ARL9: variants seen among roughly 807,000 people sequenced by gnomAD.
The protein encoded by ARL9 is ADP-ribosylation factor-like protein 9.
In ARL9, 14 loss-of-function variants were observed where a neutral mutation model predicts 27.0. That is an observed-to-expected ratio of 0.52 (90% CI 0.34 to 0.81). ARL9 has a LOEUF of 0.81. Among genes scored for constraint, ARL9 ranks in the 30% least tolerant of loss-of-function variants. The probability of loss-of-function intolerance (pLI) is 0.01; values close to 1 mark genes in which losing one functional copy is unlikely to be tolerated. For missense variants in ARL9, 294 were observed against 290.0 expected, an observed-to-expected ratio of 1.01 and a Z score of -0.10; for synonymous variants, 106 against 108.7, an observed-to-expected ratio of 0.98 and a Z score of 0.15.
intron 1 of ARL9, among the ~76,000 whole-genome samples, chr4:56,509,644 C>A (rs184281975): frequency 2.0e-5 from 3 of 151,622 alleles, no homozygotes; most frequent in African/African-American, 7.3e-5. Context: ...AAGCAATTCT[C>A]CTGCCTCAGC....
intron 3 of ARL9, among the ~76,000 whole-genome samples, chr4:56,522,706 G>T (rs548195541): frequency 2.6e-5 from 4 of 152,150 alleles, no homozygotes; most frequent in African/African-American, 9.7e-5. Flanking sequence ...CATTTCCATC[G>T]TAAGGAGGTT....
intron 2 of ARL9, among the ~76,000 whole-genome samples, chr4:56,516,082 G>A (rs1314042923): frequency 6.6e-6 from 1 of 152,134 alleles, no homozygotes; most frequent in Non-Finnish European, 1.5e-5. Context: ...GCGTGGTGTT[G>A]GCACAAGAAT....
chr4:56,520,703 A>T (rs974422135), intron 3 of ARL9, among the ~76,000 whole-genome samples: 1 of 152,230 alleles, frequency 6.6e-6, no homozygotes, highest in African/African-American at 2.4e-5. Context: ...AAATTTAAAC[A>T]TCTATAATAT....
At position 56,518,864 on chromosome 4, in the gene ARL9, G is replaced by T; in HGVS notation, c.618+11G>T. 6.2e-7 allele frequency: 1 copy of T among 1,610,078 alleles called. No individual in the cohort carries two copies. Among genetic ancestry groups the T allele is most frequent in the Non-Finnish European group, 8.5e-7 (1 of 1,177,680 alleles). On this transcript the variant is annotated intron_variant, in intron 3 of 3. Coordinates refer to ENST00000640821, the MANE Select transcript of ARL9 (RefSeq NM_001363794.2). ...TTTGCAAACAAACAGGTAAAAATCT[G>T]TGCAAATATAAATTGTACTCAAGAG...
intron 2 of ARL9, among the ~76,000 whole-genome samples, chr4:56,513,284 A>T (rs1292705225): frequency 6.6e-6 from 1 of 152,086 alleles, no homozygotes; most frequent in Non-Finnish European, 1.5e-5. Flanking sequence ...TAACACTTGG[A>T]GTATGTTGGG....
intron 2 of ARL9, among the ~76,000 whole-genome samples, chr4:56,511,801 G>C (rs1445163553): frequency 1.3e-5 from 2 of 152,126 alleles, no homozygotes; most frequent in Non-Finnish European, 2.9e-5. Flanking sequence ...TCCTGAAGTT[G>C]GGTCAAGTCC....
chr4:56,505,543 T>G, upstream of ARL9: 2 of 540,608 alleles, frequency 3.7e-6, no homozygotes, highest in Non-Finnish European at 7.1e-6. Context: ...TCTGCAGCAA[T>G]GATATACCCC....
intron 2 of ARL9, among the ~76,000 whole-genome samples, chr4:56,512,437 T>C (rs1420828549): frequency 6.6e-6 from 1 of 152,110 alleles, no homozygotes; most frequent in Admixed American, 6.6e-5. Flanking sequence ...CTTTCTTGGG[T>C]GTGCCTTCTG....
chr4:56,524,323 A>G lies in ARL9; in HGVS notation c.*447A>G, dbSNP rs971830203. The G allele has an allele frequency of 1.3e-5, 2 of 155,672 alleles. No individual in the cohort carries two copies. The highest frequency in any genetic ancestry group is 4.8e-5 in the African/African-American group (2 of 41,536). 9.6% of individuals were successfully genotyped at this position (155,672 alleles called of 1,614,324 possible). On this transcript the variant is annotated 3_prime_UTR_variant, in exon 4 of 4. Transcript: ENST00000640821. ...AGTCTCCCTGAGAATACCAACGGAC[A>G]ACTGTACAAAGATAATGCTAACATA...
At chr4:56,520,121 A>G (rs987806655) in intron 3 of ARL9, among the ~76,000 whole-genome samples, 1 of 151,854 alleles carries the variant, frequency 6.6e-6, no homozygotes, top group Non-Finnish European at 1.5e-5. Context: ...TCATGCCTCA[A>G]CCTCCTGAGT....
At chr4:56,522,116 A>G (rs1721938311) in intron 3 of ARL9, among the ~76,000 whole-genome samples, 1 of 151,852 alleles carries the variant, frequency 6.6e-6, no homozygotes, top group African/African-American at 2.4e-5. Flanking sequence ...ACAGGCTCCA[A>G]GTGATAGAAT....
In ARL9 at chr4:56,511,353, C is replaced by T. The variant is rs771905305; in HGVS notation, c.442+6C>T. 26 of 1,609,464 alleles carry T rather than the reference C, an allele frequency of 1.6e-5. No homozygotes were observed. Among genetic ancestry groups the T allele is most frequent in the Middle Eastern group, 1.7e-4 (1 of 6,028 alleles). ...CCAGATGGAGTTCCTGGAGAGTAAG[C>T]TCTCTGTTCCTTAGTTATAAGATAG... is the stretch of plus-strand genomic sequence containing the variant. On this transcript the variant is annotated splice_donor_region_variant and intron_variant, in intron 2 of 3. Transcript: ENST00000640821.
chr4:56,517,525 T>A (rs1206237874), intron 2 of ARL9, among the ~76,000 whole-genome samples: 1 of 152,214 alleles, frequency 6.6e-6, no homozygotes, highest in Non-Finnish European at 1.5e-5. Flanking sequence ...GGCACCAAAA[T>A]CTAAATTTGA....
At position 56,511,213 on chromosome 4, in the gene ARL9, G is replaced by T; in HGVS notation, c.308G>T (p.Gly103Val). ...AAAAACAAGCAAATCCTAGTGCTGG[G>T]CCTGGATGGAGCAGGAAAAACCAGT... ...LEKNKQILVL[G>V]LDGAGKTSVL... The change falls in exon 2 of 4, where the codon GGC (glycine) becomes GTC (valine). Residue 103 changes from glycine to valine, a missense_variant. By Grantham distance (109) the Gly-to-Val change is moderately radical. Coordinates refer to ENST00000640821, the MANE Select transcript of ARL9 (RefSeq NM_001363794.2). 6.2e-7 allele frequency: 1 copy of T among 1,607,186 alleles called. No homozygotes were observed. The highest frequency in any genetic ancestry group is 8.5e-7 in the Non-Finnish European group (1 of 1,176,628).
Position 56,511,287 on chromosome 4 carries a change from AC to A in ARL9, c.385del (p.Gln129LysfsTer40), listed in dbSNP as rs150176049. ...SNRVQHSVAP[T>X]QGFHAVCINT... ...CAGAGTCCAGCACAGTGTGGCACCC[AC>A]CCAAGGTTTCCATGCAGTTTGCATC... On this transcript the variant is annotated frameshift_variant, in exon 2 of 4. Coordinates refer to ENST00000640821, the MANE Select transcript of ARL9 (RefSeq NM_001363794.2). LOFTEE classifies it high-confidence loss of function. 23,399 of 1,613,860 alleles carry A rather than the reference AC, an allele frequency of 0.014. 306 individuals are homozygous for A. The highest frequency in any genetic ancestry group is 0.061 in the Middle Eastern group (371 of 6,060).
chr4:56,511,986 T>C (rs1001681847), intron 2 of ARL9, among the ~76,000 whole-genome samples: 2 of 152,226 alleles, frequency 1.3e-5, no homozygotes, highest in African/African-American at 4.8e-5. Context: ...TTTAATCTTC[T>C]GGTCAGTAAA....
intron 3 of ARL9, among the ~76,000 whole-genome samples, chr4:56,521,319 A>G (rs566472684): frequency 1.3e-5 from 2 of 152,162 alleles, no homozygotes; most frequent in African/African-American, 4.8e-5. Context: ...GGTACATGTA[A>G]GTGAGCTGTA....
rs1443626029 is a variant in ARL9 at position 56,518,692 on chromosome 4, C to A, written c.457C>A (p.Pro153Thr). ...MEFLEIGGSK[P>T]FRSYWEMYLS... ...ATTCTCTGTAGTTGGTGGCAGTAAA[C>A]CTTTTCGGTCCTACTGGGAAATGTA... The change falls in exon 3 of 4, where the codon CCT becomes ACT. Residue 153 changes from proline (P) to threonine (T), a missense_variant. Transcript: ENST00000640821. 3.7e-6 allele frequency: 6 copies of A among 1,612,684 alleles called. 1 individual carries two copies. The Admixed American group carries it at 8.3e-5, about 22-fold the overall frequency.
intron 1 of ARL9, among the ~76,000 whole-genome samples, chr4:56,508,591 G>A (rs894001923): frequency 6.6e-6 from 1 of 152,096 alleles, no homozygotes; most frequent in Non-Finnish European, 1.5e-5. Flanking sequence ...TCACCATGTT[G>A]GTCAGGCTGG....
Sources: gnomAD v4.1 joint callset for allele counts (sites outside exome capture counted in the v4.1 genomes callset) on GRCh38, gnomAD v4.1.1 for gene constraint, MANE v1.5 for transcripts, NCBI Gene and HGNC (gene_info 2026-07-23, HGNC 2026-07-21) for gene names.